The following ZSCAN4 variants were observed in gnomAD, a reference collection of about 807,000 sequenced individuals.
ZSCAN4 encodes zinc finger and SCAN domain containing 4.
In ZSCAN4, 18 loss-of-function variants were observed where a neutral mutation model predicts 18.3. The ratio of observed to expected loss-of-function variants is 0.98; its 90% CI spans 0.68 to 1.46. The LOEUF is 1.46. Ranked by LOEUF, ZSCAN4 falls within the 40% of genes most tolerant of loss-of-function variation. ZSCAN4 has a pLI of 0.00. For missense variants in ZSCAN4, 498 were observed against 511.4 expected, an observed-to-expected ratio of 0.97 and a Z score of 0.25; for synonymous variants, 193 against 180.3, an observed-to-expected ratio of 1.07 and a Z score of -0.57.
chr19:57,659,952 T>C, the ZSCAN4 span, among the ~76,000 whole-genome samples: 1 of 152,250 alleles, frequency 6.6e-6, no homozygotes, highest in Non-Finnish European at 1.5e-5. Context: ...TACTCAAATG[T>C]TCTTCGCAAA....
chr19:57,656,800 C>A, the ZSCAN4 span, among the ~76,000 whole-genome samples: 16 of 152,190 alleles, frequency 1.1e-4, no homozygotes, highest in African/African-American at 3.9e-4. Flanking sequence ...CCAGCCTGGG[C>A]AACATGGCAA....
At chr19:57,673,950 C>T (rs142427309) in intron 2 of ZSCAN4, among the ~76,000 whole-genome samples, 2,958 of 152,202 alleles carry the variant, frequency 0.019, 99 homozygotes, top group African/African-American at 0.067. Flanking sequence ...GACGGGGTTT[C>T]GCCATGTTGG....
chr19:57,672,185 G>T (rs1984044489), intron 2 of ZSCAN4, among the ~76,000 whole-genome samples: 1 of 152,134 alleles, frequency 6.6e-6, no homozygotes, highest in Non-Finnish European at 1.5e-5. Context: ...GGAAAGGACA[G>T]GGAGTAAAAA....
chr19:57,660,974 T>C, the ZSCAN4 span, among the ~76,000 whole-genome samples: 1 of 152,216 alleles, frequency 6.6e-6, no homozygotes, highest in Non-Finnish European at 1.5e-5. Flanking sequence ...GTGTGATTGA[T>C]AACCACAGCA....
chr19:57,664,668 A>G (rs543662459), upstream of ZSCAN4: 13 of 216,860 alleles, frequency 6.0e-5, no homozygotes, highest in South Asian at 1.6e-4. Context: ...GAGAATTCCA[A>G]TTTCCCCCTA....
chr19:57,653,784 T>C, the ZSCAN4 span, among the ~76,000 whole-genome samples: 1 of 152,188 alleles, frequency 6.6e-6, no homozygotes, highest in Admixed American at 6.5e-5. Context: ...ACAGGGTCAT[T>C]GGGCAAAAGC....
chr19:57,678,171 G>A, exon 5 of ZSCAN4: 4 of 1,613,134 alleles, frequency 2.5e-6, no homozygotes, highest in Non-Finnish European at 3.4e-6. Context: ...CACAGGATAT[G>A]AAGATGAACA....
At chr19:57,669,026 T>G (rs1460289848) in exon 1 of ZSCAN4, 1 of 151,822 alleles carries the variant, frequency 6.6e-6, no homozygotes, top group Non-Finnish European at 1.5e-5. Context: ...TTGATCAGAA[T>G]TTGTGAGACT....
chr19:57,678,103 C>T (rs1194218264), intron 4 of ZSCAN4, 24 bp downstream of exon 4: 3 of 1,589,196 alleles, frequency 1.9e-6, no homozygotes, highest in South Asian at 1.2e-5. Flanking sequence ...ATCTGCACAA[C>T]TGAGGAGTGT....
chr19:57,666,189 G>A (rs1983844401), upstream of ZSCAN4, among the ~76,000 whole-genome samples: 1 of 152,152 alleles, frequency 6.6e-6, no homozygotes, highest in Non-Finnish European at 1.5e-5. Context: ...TACAGACTCG[G>A]GGCTTTGTCC....
At chr19:57,661,637 C>T in the ZSCAN4 span, among the ~76,000 whole-genome samples, 15 of 151,950 alleles carry the variant, frequency 9.9e-5, no homozygotes, top group African/African-American at 3.4e-4. Flanking sequence ...TTTATAAAGC[C>T]TAAATAAAAT....
the ZSCAN4 span, among the ~76,000 whole-genome samples, chr19:57,658,724 C>T: frequency 6.6e-6 from 1 of 150,408 alleles, no homozygotes; most frequent in Non-Finnish European, 1.5e-5. Flanking sequence ...ATCCCAGCTA[C>T]TTGGGAGGCT....
upstream of ZSCAN4, among the ~76,000 whole-genome samples, chr19:57,665,241 AAG>A (rs1420955239): frequency 6.6e-6 from 1 of 152,188 alleles, no homozygotes; most frequent in Non-Finnish European, 1.5e-5. Flanking sequence ...CAAAAGCAAA[AAG>A]AATCTAGCTG....
intron 2 of ZSCAN4, among the ~76,000 whole-genome samples, chr19:57,675,223 C>CT (rs1984146926): frequency 6.8e-6 from 1 of 147,092 alleles, no homozygotes; most frequent in Non-Finnish European, 1.5e-5. Flanking sequence ...TCTTGACTCA[C>CT]TGCAATCTCC....
chr19:57,663,149 C>T, the ZSCAN4 span, among the ~76,000 whole-genome samples: 30 of 151,090 alleles, frequency 2.0e-4, no homozygotes, highest in Non-Finnish European at 1.0e-4. Context: ...GTGATCCGCC[C>T]GCCTCGGCCT....
exon 3 of ZSCAN4, chr19:57,676,085 G>C: frequency 6.7e-7 from 1 of 1,496,660 alleles, no homozygotes; most frequent in Non-Finnish European, 9.0e-7. Flanking sequence ...CAAATCCCTA[G>C]AGACACAAGG....
the ZSCAN4 span, among the ~76,000 whole-genome samples, chr19:57,662,456 T>A: frequency 2.0e-5 from 3 of 152,228 alleles, no homozygotes; most frequent in African/African-American, 7.2e-5. Context: ...ATATTTCATT[T>A]TATTAAAAAT....
chr19:57,653,390 G>GAAAAAA, the ZSCAN4 span, among the ~76,000 whole-genome samples: 4,194 of 76,260 alleles, frequency 0.055, 145 homozygotes, highest in East Asian at 0.18. Context: ...CCATCTCAAA[G>GAAAAAA]AAAAAAAAAA....
At chr19:57,674,580 C>G (rs1031151215) in intron 2 of ZSCAN4, among the ~76,000 whole-genome samples, 2 of 152,168 alleles carry the variant, frequency 1.3e-5, no homozygotes, top group African/African-American at 4.8e-5. Context: ...CTGGTAGACT[C>G]TTAGGTTGGT....
Sources: gnomAD v4.1 joint callset for allele counts (sites outside exome capture counted in the v4.1 genomes callset) on GRCh38, gnomAD v4.1.1 for gene constraint, MANE v1.5 for transcripts, NCBI Gene and HGNC (gene_info 2026-07-23, HGNC 2026-07-21) for gene names.